FAM83D: variants seen among roughly 807,000 people sequenced by gnomAD.
FAM83D encodes the protein protein FAM83D.
In FAM83D, 26 loss-of-function variants were observed where a neutral mutation model predicts 25.4. The ratio of observed to expected loss-of-function variants is 1.02; its 90% CI spans 0.75 to 1.42. The LOEUF (loss-of-function observed/expected upper bound fraction) is 1.42, where lower values mean the gene tolerates loss of function less well. FAM83D is among the 40% of genes most tolerant of loss of function. The pLI, the probability that FAM83D is intolerant of heterozygous loss-of-function variation, is 0.00. For synonymous variants in FAM83D, 310 were observed against 318.5 expected (o/e 0.97, Z 0.28); for missense variants, 740 against 758.1 (o/e 0.98, Z 0.28).
intron 1 of FAM83D, among the ~76,000 whole-genome samples, chr20:38,936,349 C>A (rs2085679044): frequency 1.3e-5 from 2 of 151,836 alleles, no homozygotes; most frequent in African/African-American, 4.8e-5. Flanking sequence ...GGAAGGGTTC[C>A]TTGTTTCAAG....
chr20:38,933,424 A>G, intron 1 of FAM83D, among the ~76,000 whole-genome samples: 2 of 152,340 alleles, frequency 1.3e-5, no homozygotes, highest in African/African-American at 4.8e-5. Flanking sequence ...CTATTTTACC[A>G]CAATAAAAAA....
chr20:38,931,065 C>T lies in FAM83D; in HGVS notation c.483+4140C>T, dbSNP rs763784820. Among the ~76,000 whole-genome samples the T allele has an allele frequency of 2.6e-5, 4 of 152,216 alleles. No homozygotes were observed. In the East Asian group the frequency reaches 5.8e-4, roughly 22 times the overall value. ...GATTACAGGCGTGAGCCGCTGTGCCCGGCCACTGAAGCCCACACTCCTAAT... is the reference window on the plus strand; with the variant it reads ...GATTACAGGCGTGAGCCGCTGTGCCTGGCCACTGAAGCCCACACTCCTAAT... On this transcript the variant is annotated intron_variant, in intron 1 of 3. Coordinates refer to ENST00000619850, the MANE Select transcript of FAM83D (RefSeq NM_030919.3).
Position 38,952,331 on chromosome 20 carries a change from A to G in FAM83D, c.1569A>G (p.Ser523=), listed in dbSNP as rs764504303. ...TPHLELYLSD[S]LRNLNKERQF... The stretch of plus-strand genomic sequence containing the variant: ...ACCTGGAACTGTACTTGAGTGACTC[A>G]CTTAGAAACTTGAACAAAGAGCGGC... Residue 523 remains serine (S), a synonymous_variant, in exon 4 of 4, where the codon TCA becomes TCG. Transcript: ENST00000619850. 6.2e-7 allele frequency: 1 copy of G among 1,614,142 alleles called. No individual in the cohort carries two copies. The highest frequency in any genetic ancestry group is 1.1e-5 in the South Asian group (1 of 91,082).
chr20:38,926,547 T>C lies in FAM83D; in HGVS notation c.105T>C (p.Ala35=). The C allele has an allele frequency of 6.3e-7, 1 of 1,582,660 alleles. No individual in the cohort carries two copies. The highest frequency in any genetic ancestry group is 8.5e-7 in the Non-Finnish European group (1 of 1,171,610). Residue 35 remains alanine, a synonymous_variant, in exon 1 of 4, where the codon GCT becomes GCC. Transcript: ENST00000619850. ...TGTTCAGCGAGTCACGGCGCCTGGC[T>C]CTGGAGGAGCTGGTGGCGGGCGGCC... ...TELFSESRRL[A]LEELVAGGPE...
chr20:38,951,207 T>G (rs1049455429), intron 3 of FAM83D, among the ~76,000 whole-genome samples: 1 of 152,022 alleles, frequency 6.6e-6, no homozygotes, highest in Non-Finnish European at 1.5e-5. Flanking sequence ...AAGGATGAGG[T>G]GGGAGGACTG....
At chr20:38,938,095 G>A (rs944077193) in intron 1 of FAM83D, among the ~76,000 whole-genome samples, 2 of 152,214 alleles carry the variant, frequency 1.3e-5, no homozygotes, top group Admixed American at 1.3e-4. Flanking sequence ...AAGGACTAGT[G>A]TTCAAATCCA....
chr20:38,950,654 C>T (rs2085748933), intron 3 of FAM83D, among the ~76,000 whole-genome samples: 1 of 151,636 alleles, frequency 6.6e-6, no homozygotes, highest in Non-Finnish European at 1.5e-5. Context: ...ATTCATAGGG[C>T]CTAGGGTCTG....
rs768451910 is a variant in FAM83D at position 38,941,968 on chromosome 20, G to C, written c.493G>C (p.Val165Leu). ...CCTGTTTCACCTGTAGGTGATTGCA[G>C]TGGTCATGGACGTGTTCACAGACAT... is the stretch of plus-strand genomic sequence containing the variant. The part of the protein sequence containing the change: ...QLRSAREVIA[V>L]VMDVFTDIDI... The change falls in exon 2 of 4, where the codon GTG becomes CTG. Residue 165 changes from valine to leucine, a missense_variant. By Grantham distance (32) the Val-to-Leu change is conservative (BLOSUM62 1). Transcript: ENST00000619850. The C allele has an allele frequency of 8.1e-6, 13 of 1,613,930 alleles. No homozygotes were observed. Among genetic ancestry groups the C allele is most frequent in the Non-Finnish European group, 1.0e-5 (12 of 1,180,034 alleles).
chr20:38,929,901 T>C (rs908099867), intron 1 of FAM83D, among the ~76,000 whole-genome samples: 19 of 151,930 alleles, frequency 1.3e-4, no homozygotes, highest in Non-Finnish European at 1.5e-5. Flanking sequence ...AACTGAGGCA[T>C]AGAGAAGTTA....
chr20:38,944,765 G>A (rs547790742), intron 2 of FAM83D, among the ~76,000 whole-genome samples: 28 of 152,106 alleles, frequency 1.8e-4, no homozygotes, highest in Admixed American at 5.2e-4. Flanking sequence ...CGGTGAAACC[G>A]CGTCTCTACT....
intron 1 of FAM83D, among the ~76,000 whole-genome samples, chr20:38,927,969 A>G (rs2085643531): frequency 6.6e-6 from 1 of 152,196 alleles, no homozygotes; most frequent in African/African-American, 2.4e-5. Context: ...TCTGACTCTT[A>G]GTATGGCATG....
intron 2 of FAM83D, among the ~76,000 whole-genome samples, chr20:38,947,384 T>C (rs1421722465): frequency 6.6e-6 from 1 of 152,236 alleles, no homozygotes; most frequent in African/African-American, 2.4e-5. Flanking sequence ...ATACCCATTA[T>C]GGTGTTGAGG....
chr20:38,950,210 GA>G (rs1232485784), intron 3 of FAM83D, among the ~76,000 whole-genome samples: 2 of 152,176 alleles, frequency 1.3e-5, no homozygotes, highest in Non-Finnish European at 1.5e-5. Flanking sequence ...CCTTCTGTCA[GA>G]ATCCATTTGA....
intron 1 of FAM83D, among the ~76,000 whole-genome samples, chr20:38,931,845 A>G (rs2085660040): frequency 6.6e-6 from 1 of 152,238 alleles, no homozygotes; most frequent in Admixed American, 6.5e-5. Flanking sequence ...GTAGGGGCCT[A>G]TTATGTGCAC....
intron 3 of FAM83D, among the ~76,000 whole-genome samples, chr20:38,950,900 A>G (rs902877986): frequency 1.3e-5 from 2 of 151,880 alleles, no homozygotes; most frequent in South Asian, 2.1e-4. Context: ...GCTTACCGCA[A>G]CCTCTGCCTC....
chr20:38,942,650 C>T (rs560398454), intron 2 of FAM83D, among the ~76,000 whole-genome samples: 10 of 152,072 alleles, frequency 6.6e-5, no homozygotes, highest in African/African-American at 1.2e-4. Context: ...GGGGGAAGGA[C>T]GGGATTATTG....
chr20:38,927,018 C>T (rs2085638959), intron 1 of FAM83D, 93 bp downstream of exon 1: 2 of 1,394,700 alleles, frequency 1.4e-6, no homozygotes, highest in South Asian at 1.6e-5. Flanking sequence ...GGGGCCACTA[C>T]CTCCTCTGCG....
chr20:38,945,857 A>G (rs1306403502), intron 2 of FAM83D, among the ~76,000 whole-genome samples: 1 of 150,464 alleles, frequency 6.6e-6, no homozygotes, highest in African/African-American at 2.4e-5. Context: ...CAGCCTCCCA[A>G]GTAGCTGGAA....
intron 3 of FAM83D, among the ~76,000 whole-genome samples, chr20:38,950,667 C>T (rs2085749056): frequency 6.6e-6 from 1 of 150,902 alleles, no homozygotes; most frequent in South Asian, 2.1e-4. Context: ...AGGGTCTGAT[C>T]TGGAGTCCAG....
Sources: gnomAD v4.1 joint callset for allele counts (sites outside exome capture counted in the v4.1 genomes callset) on GRCh38, gnomAD v4.1.1 for gene constraint, MANE v1.5 for transcripts, NCBI Gene and HGNC (gene_info 2026-07-23, HGNC 2026-07-21) for gene names.